The following CEP104 variants were observed in gnomAD, a reference collection of about 807,000 sequenced individuals.
The protein encoded by CEP104 is centrosomal protein 104.
CEP104 carries 84 observed loss-of-function variants against 113.3 expected under a neutral mutation model. The observed-to-expected ratio is 0.74, with a 90% CI of 0.62 to 0.89. The LOEUF is 0.89. CEP104 is among the 40% of genes least tolerant of loss of function. The probability of loss-of-function intolerance (pLI) is 0.00; values close to 1 mark genes in which losing one functional copy is unlikely to be tolerated. For missense variants in CEP104, 1,053 were observed against 1,156.6 expected, an observed-to-expected ratio of 0.91 and a Z score of 1.30; for synonymous variants, 378 against 421.7, an observed-to-expected ratio of 0.90 and a Z score of 1.27.
intron 1 of CEP104, among the ~76,000 whole-genome samples, chr1:3,852,996 C>T (rs1382801190): frequency 6.6e-6 from 1 of 152,184 alleles, no homozygotes; most frequent in Non-Finnish European, 1.5e-5. Context: ...AGAGTGCAGC[C>T]CTGTCCATGC....
chr1:3,837,849 T>G lies in CEP104; in HGVS notation c.892-330A>C, dbSNP rs1022188328. ...GTGCCCCTGCAGGAGCACGGTGGTG[T>G]GGAGAAAGCACCTGGGCTGGACCCA... On this transcript the variant is annotated intron_variant, in intron 8 of 21. Transcript: ENST00000378230. Among the ~76,000 whole-genome samples, 9 of 152,196 alleles carry G rather than the reference T, an allele frequency of 5.9e-5. No homozygotes were observed. In the South Asian group the frequency reaches 6.2e-4, roughly 10 times the overall value.
chr1:3,836,966 C>T, intron 9 of CEP104: 1 of 509,210 alleles, frequency 2.0e-6, no homozygotes, highest in Non-Finnish European at 3.5e-6. Flanking sequence ...TTACTGGTAG[C>T]AATTTCAGTT....
At position 3,848,005 on chromosome 1, in the gene CEP104, T is replaced by C. The variant is rs557487464; in HGVS notation, c.288-392A>G. ...GCTCACCACCATGCCCGGCTAATTT[T>C]TGTATTTTCAGTAGAGACACGGTTT... On this transcript the variant is annotated intron_variant, in intron 3 of 21. Coordinates refer to ENST00000378230, the MANE Select transcript of CEP104 (RefSeq NM_014704.4). Among the ~76,000 whole-genome samples, 12 of 152,292 alleles carry C rather than the reference T, an allele frequency of 7.9e-5. No individual in the cohort carries two copies. The South Asian group carries it at 1.5e-3, about 18-fold the overall frequency.
chr1:3,845,305 C>A lies in CEP104; in HGVS notation c.473G>T (p.Ser158Ile), dbSNP rs778960306. Residue 158 changes from serine to isoleucine, a missense_variant, in exon 5 of 22, where the codon AGT (serine) becomes ATT (isoleucine). Coordinates refer to ENST00000378230, the MANE Select transcript of CEP104 (RefSeq NM_014704.4). ...INIIGDPADFSDESNTASREK... is the reference protein window; with the variant it reads ...INIIGDPADFIDESNTASREK... Reference sequence around the variant, plus strand: ...CAAACTTACAGTATTGCTTTCATCACTGAAATCTGCAGGGTCTCCAATGAT... The same window carrying A: ...CAAACTTACAGTATTGCTTTCATCAATGAAATCTGCAGGGTCTCCAATGAT... 6.2e-7 allele frequency: 1 copy of A among 1,607,666 alleles called. No homozygotes were observed. Among genetic ancestry groups the A allele is most frequent in the East Asian group, 2.2e-5 (1 of 44,820 alleles).
chr1:3,816,452 G>T, intron 20 of CEP104, 82 bp from the exon 21 acceptor site: 2 of 1,210,328 alleles, frequency 1.7e-6, no homozygotes, highest in Non-Finnish European at 2.3e-6. Flanking sequence ...GACTCGCTGT[G>T]TAAGCTGAAA....
At chr1:3,833,643 T>TA (rs907263409) in intron 12 of CEP104, 55 of 401,160 alleles carry the variant, frequency 1.4e-4, no homozygotes, top group African/African-American at 7.4e-4. Flanking sequence ...ATATGTTGGA[T>TA]AAAAAAAACA....
chr1:3,848,877 C>G (rs1339839076), intron 2 of CEP104, 96 bp from the exon 3 acceptor site: 1 of 934,866 alleles, frequency 1.1e-6, no homozygotes, highest in Non-Finnish European at 1.6e-6. Context: ...GCATTAACCA[C>G]ACACCCACTT....
At chr1:3,835,137 T>G in intron 10 of CEP104, 45 bp from the exon 11 acceptor site, 1 of 1,532,196 alleles carries the variant, frequency 6.5e-7, no homozygotes, top group Non-Finnish European at 8.9e-7. Context: ...ACAACCATCC[T>G]CCAACACTAC....
chr1:3,822,441 TGA>T (rs1643995606), intron 20 of CEP104, among the ~76,000 whole-genome samples: 1 of 152,136 alleles, frequency 6.6e-6, no homozygotes, highest in Non-Finnish European at 1.5e-5. Context: ...CAGGACACAG[TGA>T]CACACTGCAG....
chr1:3,827,958 G>A (rs988630153), intron 15 of CEP104, among the ~76,000 whole-genome samples: 3 of 152,218 alleles, frequency 2.0e-5, no homozygotes, highest in African/African-American at 7.2e-5. Context: ...CCGAGCCAAT[G>A]AGCAAGAGCT....
At chr1:3,829,756 A>G (rs1469279241) in intron 14 of CEP104, 35 bp downstream of exon 14, 1 of 1,586,200 alleles carries the variant, frequency 6.3e-7, no homozygotes, top group African/African-American at 1.3e-5. Context: ...TCTTCAACAC[A>G]GGATGACATC....
intron 1 of CEP104, 65 bp from the exon 2 acceptor site, chr1:3,852,486 A>G: frequency 6.8e-7 from 1 of 1,480,832 alleles, no homozygotes; most frequent in Admixed American, 2.0e-5. Context: ...GGACATTTAA[A>G]GGGTTGGTTC....
chr1:3,823,627 G>A lies in CEP104; in HGVS notation c.2365-65C>T, dbSNP rs1644025527. 1.9e-6 allele frequency: 3 copies of A among 1,606,140 alleles called. No individual in the cohort carries two copies. The highest frequency in any genetic ancestry group is 1.7e-5 in the Admixed American group (1 of 59,856). ...AGCGGCAGCGCCCTCCAGCCAGCCT[G>A]CAGAGCCTGTGAGCGCCTCCCCTGC... On this transcript the variant is annotated intron_variant, in intron 18 of 21. Coordinates refer to ENST00000378230, the MANE Select transcript of CEP104 (RefSeq NM_014704.4). The surrounding 1 kb of genome is among the most constrained non-coding windows in gnomAD (Gnocchi z 4.1).
intron 9 of CEP104, 58 bp downstream of exon 9, chr1:3,837,234 C>T (rs1644331059): frequency 2.8e-6 from 4 of 1,411,234 alleles, no homozygotes; most frequent in African/African-American, 1.4e-5. Context: ...TGGCACAACA[C>T]ATGTCCTTTA....
At chr1:3,830,721 A>G (rs1644187583) in intron 13 of CEP104, among the ~76,000 whole-genome samples, 1 of 148,090 alleles carries the variant, frequency 6.8e-6, no homozygotes, top group Non-Finnish European at 1.5e-5. Flanking sequence ...GCTTGCAGTG[A>G]GCCGAGATGG....
chr1:3,851,864 A>C (rs1644617690), intron 2 of CEP104, among the ~76,000 whole-genome samples: 1 of 152,158 alleles, frequency 6.6e-6, no homozygotes, highest in South Asian at 2.1e-4. Context: ...TGAAAGACAT[A>C]TCTTTTGGTT....
chr1:3,852,786 C>T (rs1487233320), intron 1 of CEP104, among the ~76,000 whole-genome samples: 6 of 152,168 alleles, frequency 3.9e-5, no homozygotes, highest in Non-Finnish European at 7.3e-5. Flanking sequence ...ATGAGGTCCT[C>T]GGGGTGGGCC....
chr1:3,836,858 G>T, intron 9 of CEP104, 166 bp from the exon 10 acceptor site: 1 of 607,792 alleles, frequency 1.6e-6, no homozygotes, highest in Non-Finnish European at 2.8e-6. Flanking sequence ...CAACAAATAG[G>T]ATGTAATTGA....
At chr1:3,822,990 T>C in intron 20 of CEP104, 184 bp downstream of exon 20, 1 of 636,022 alleles carries the variant, frequency 1.6e-6, no homozygotes, top group Non-Finnish European at 2.8e-6. Flanking sequence ...AAGGAAATCA[T>C]GTGAACACGT....
Sources: gnomAD v4.1 joint callset for allele counts (sites outside exome capture counted in the v4.1 genomes callset) on GRCh38, gnomAD v4.1.1 for gene constraint, Gnocchi (gnomAD v3.1) non-coding constraint, MANE v1.5 for transcripts, NCBI Gene and HGNC (gene_info 2026-07-23, HGNC 2026-07-21) for gene names.